Variants in ZNF708 observed in about 807,000 individuals in gnomAD.
ZNF708 encodes ZNF15, ZNF15L1.
In ZNF708, 44 loss-of-function variants were observed where a neutral mutation model predicts 47.0. The observed-to-expected ratio is 0.94, with a 90% CI of 0.74 to 1.20. The LOEUF (loss-of-function observed/expected upper bound fraction) is 1.20. Ranked by LOEUF, ZNF708 falls within the 50% of genes most tolerant of loss-of-function variation. ZNF708 has a pLI of 0.00. For synonymous variants in ZNF708, 184 were observed against 218.5 expected, an observed-to-expected ratio of 0.84 and a Z score of 1.39; for missense variants, 557 against 656.0, an observed-to-expected ratio of 0.85 and a Z score of 1.65.
chr19:21,316,146 T>TG (rs1973004206), intron 1 of ZNF708, among the ~76,000 whole-genome samples: 1 of 147,644 alleles, frequency 6.8e-6, no homozygotes, highest in Non-Finnish European at 1.5e-5. Context: ...TTTTTTTTTT[T>TG]TTTTGAGACA....
At chr19:21,297,162 A>AT (rs1414811867) in intron 3 of ZNF708, among the ~76,000 whole-genome samples, 1 of 147,784 alleles carries the variant, frequency 6.8e-6, no homozygotes, top group Non-Finnish European at 1.5e-5. Context: ...AAATTTAAAA[A>AT]ATATATATGT....
At chr19:21,295,791 C>G (rs1333381324) in intron 3 of ZNF708, among the ~76,000 whole-genome samples, 1 of 151,892 alleles carries the variant, frequency 6.6e-6, no homozygotes, top group Non-Finnish European at 1.5e-5. Context: ...ATGTTTAAAT[C>G]TCAATCAAAG....
intron 2 of ZNF708, 95 bp downstream of exon 2, chr19:21,310,406 C>T (rs1599680013): frequency 1.1e-5 from 6 of 537,666 alleles, no homozygotes; most frequent in Non-Finnish European, 1.5e-5. Flanking sequence ...GATTGCGCCA[C>T]TGCACTCCAG....
chr19:21,325,593 G>C (rs1973239993), intron 1 of ZNF708, among the ~76,000 whole-genome samples: 1 of 152,132 alleles, frequency 6.6e-6, no homozygotes. Context: ...TTAAACCTAA[G>C]ATCGGAAACT....
chr19:21,300,642 A>ATG (rs1972639784), intron 3 of ZNF708, among the ~76,000 whole-genome samples: 5 of 151,838 alleles, frequency 3.3e-5, no homozygotes, highest in Non-Finnish European at 7.4e-5. Context: ...AATCATTGTC[A>ATG]TATACAATTT....
At chr19:21,323,114 CAT>C (rs778937714) in intron 1 of ZNF708, among the ~76,000 whole-genome samples, 6 of 152,028 alleles carry the variant, frequency 3.9e-5, no homozygotes, top group Non-Finnish European at 5.9e-5. Context: ...AGATGACACA[CAT>C]AGACAATCCA....
intron 1 of ZNF708, among the ~76,000 whole-genome samples, chr19:21,316,060 A>AT (rs1972997164): frequency 6.9e-6 from 1 of 145,046 alleles, no homozygotes; most frequent in African/African-American, 2.6e-5. Flanking sequence ...CAAGAGTGAA[A>AT]CCTGTCTCAA....
At chr19:21,303,065 T>A (rs1204192361) in intron 3 of ZNF708, among the ~76,000 whole-genome samples, 1 of 152,040 alleles carries the variant, frequency 6.6e-6, no homozygotes, top group Non-Finnish European at 1.5e-5. Context: ...CTGAGCAACA[T>A]CTCAAAACCC....
intron 3 of ZNF708, among the ~76,000 whole-genome samples, chr19:21,295,853 A>G (rs1161200166): frequency 6.6e-6 from 1 of 152,222 alleles, no homozygotes; most frequent in Non-Finnish European, 1.5e-5. Flanking sequence ...AAACATTACT[A>G]AACTTTCAGA....
rs370055326 is a variant in ZNF708, at chr19:21,293,605, C to T, written c.1361G>A (p.Gly454Asp). The change falls in exon 4 of 4, where the codon GGC (glycine) becomes GAC (aspartate). Residue 454 changes from glycine to aspartate, a missense_variant. Coordinates refer to ENST00000356929, the MANE Select transcript of ZNF708 (RefSeq NM_021269.3). ...EDKPYKCEEC[G>D]KTFNYSSNFT... ...ATTTGAGGAGTAGTTAAAAGTTTTGCCACATTCTTCACATTTGTAGGGTTT... is the reference window on the plus strand; with the variant it reads ...ATTTGAGGAGTAGTTAAAAGTTTTGTCACATTCTTCACATTTGTAGGGTTT... 1 of 1,612,492 alleles carries T rather than the reference C, an allele frequency of 6.2e-7. No individual in the cohort carries two copies. Among genetic ancestry groups the T allele is most frequent in the South Asian group, 1.1e-5 (1 of 90,958 alleles).
At chr19:21,320,331 A>G (rs1973101726) in intron 1 of ZNF708, among the ~76,000 whole-genome samples, 2 of 152,226 alleles carry the variant, frequency 1.3e-5, no homozygotes, top group Admixed American at 6.5e-5. Flanking sequence ...TTGCAGTACT[A>G]TTCACAATAG....
At chr19:21,294,830 G>A in intron 3 of ZNF708, 91 bp from the exon 4 acceptor site, 1 of 1,251,236 alleles carries the variant, frequency 8.0e-7, no homozygotes, top group Non-Finnish European at 1.1e-6. Context: ...TAAACAAGAT[G>A]ACATAGCAAA....
At chr19:21,303,099 C>T (rs1972691660) in intron 3 of ZNF708, among the ~76,000 whole-genome samples, 1 of 151,884 alleles carries the variant, frequency 6.6e-6, no homozygotes, top group African/African-American at 2.4e-5. Context: ...AAAAATACAA[C>T]AAAACTTGCT....
chr19:21,316,351 C>T (rs971586932), intron 1 of ZNF708, among the ~76,000 whole-genome samples: 7 of 151,700 alleles, frequency 4.6e-5, no homozygotes, highest in Non-Finnish European at 1.0e-4. Flanking sequence ...GTCTCGAACT[C>T]CCGACCTCAG....
intron 3 of ZNF708, chr19:21,306,963 C>CATAAT (rs1972778900): frequency 8.7e-6 from 1 of 115,556 alleles, no homozygotes; most frequent in Non-Finnish European, 1.9e-5. Context: ...AATAACATAA[C>CATAAT]ATAACATAAC....
chr19:21,299,199 C>CA (rs1448619114), intron 3 of ZNF708, among the ~76,000 whole-genome samples: 1 of 151,866 alleles, frequency 6.6e-6, no homozygotes, highest in Non-Finnish European at 1.5e-5. Context: ...ACTAAAAATA[C>CA]AAAAATTAGC....
intron 1 of ZNF708, among the ~76,000 whole-genome samples, chr19:21,313,639 T>C (rs1394548683): frequency 6.6e-6 from 1 of 151,596 alleles, no homozygotes; most frequent in Non-Finnish European, 1.5e-5. Flanking sequence ...GTGCCTGTAA[T>C]CCCAGATACT....
chr19:21,320,503 T>G (rs1372935203), intron 1 of ZNF708, among the ~76,000 whole-genome samples: 1 of 151,492 alleles, frequency 6.6e-6, no homozygotes, highest in Non-Finnish European at 1.5e-5. Context: ...CTGGGCAACA[T>G]GGCAAAACCC....
chr19:21,325,965 CT>C (rs1973248281), intron 1 of ZNF708, among the ~76,000 whole-genome samples: 1 of 152,194 alleles, frequency 6.6e-6, no homozygotes, highest in East Asian at 1.9e-4. Flanking sequence ...TGAAAAAATC[CT>C]CAACATCACT....
Sources: gnomAD v4.1 joint callset for allele counts (sites outside exome capture counted in the v4.1 genomes callset) on GRCh38, gnomAD v4.1.1 for gene constraint, MANE v1.5 for transcripts, NCBI Gene and HGNC (gene_info 2026-07-23, HGNC 2026-07-21) for gene names.